Variants in SCAMP1 observed in about 807,000 individuals in gnomAD.
The protein encoded by SCAMP1 is secretory carrier-associated membrane protein 1.
SCAMP1 carries 15 observed loss-of-function variants against 41.8 expected under a neutral mutation model. The observed-to-expected ratio is 0.36, with a 90% CI of 0.24 to 0.55. SCAMP1 has a LOEUF of 0.55. Ranked by LOEUF, SCAMP1 falls within the 20% of genes least tolerant of loss-of-function variation. The pLI is 0.86. For synonymous variants in SCAMP1, 135 were observed against 136.8 expected (o/e 0.99, Z 0.09); for missense variants, 341 against 412.6 (o/e 0.83, Z 1.50).
chr5:78,429,449 C>T (rs898821663), intron 6 of SCAMP1, among the ~76,000 whole-genome samples: 1 of 150,926 alleles, frequency 6.6e-6, no homozygotes, highest in Non-Finnish European at 1.5e-5. Context: ...TGATCTTTGT[C>T]CACTTACTCT....
chr5:78,429,189 G>A (rs954221276), intron 6 of SCAMP1, among the ~76,000 whole-genome samples: 3 of 151,904 alleles, frequency 2.0e-5, no homozygotes, highest in Non-Finnish European at 2.9e-5. Flanking sequence ...AGGATAGTGA[G>A]AATAGAAGTA....
chr5:78,460,800 C>T (rs751521655), intron 8 of SCAMP1, among the ~76,000 whole-genome samples: 2,990 of 34,140 alleles, frequency 0.088, 447 homozygotes, highest in East Asian at 0.29. Context: ...TTCCTTCCTT[C>T]CTTCCTCCCT....
intron 8 of SCAMP1, among the ~76,000 whole-genome samples, chr5:78,463,609 C>G (rs1161761945): frequency 6.6e-6 from 1 of 152,104 alleles, no homozygotes. Context: ...GAGTAATATT[C>G]AAGAAGCATT....
chr5:78,423,006 A>ACG lies in SCAMP1; in HGVS notation c.632+1056_632+1057dup, dbSNP rs750021109. Among the ~76,000 whole-genome samples the ACG allele has an allele frequency of 8.5e-3, 382 of 45,088 alleles. 1 individual carries two copies. The highest frequency in any genetic ancestry group is 0.011 in the Non-Finnish European group (229 of 19,938). The allele number at this position is 45,088 out of a possible 152,430, so 29.6% of individuals were successfully genotyped here. A position where few individuals can be genotyped will look rare whatever the true frequency, so the allele number is the denominator to read the frequency against. On this transcript the variant is annotated intron_variant, in intron 6 of 8. Coordinates refer to ENST00000621999, the MANE Select transcript of SCAMP1 (RefSeq NM_004866.6). ...TTTAGTTAACCAGAATGTGTAACAC[A>ACG]CGCGCGCGCGCACACACACACACAC...
chr5:78,451,851 C>T (rs1201989622), intron 7 of SCAMP1, among the ~76,000 whole-genome samples: 1 of 152,190 alleles, frequency 6.6e-6, no homozygotes, highest in Non-Finnish European at 1.5e-5. Flanking sequence ...GACAGGATTT[C>T]GCCATGTTGC....
At chr5:78,420,799 A>G (rs1752322474) in intron 5 of SCAMP1, among the ~76,000 whole-genome samples, 1 of 152,176 alleles carries the variant, frequency 6.6e-6, no homozygotes, top group Non-Finnish European at 1.5e-5. Context: ...GTGTGTGTGT[A>G]TCCTGTTTCA....
chr5:78,392,244 ATTATC>A (rs1433906325), intron 2 of SCAMP1, among the ~76,000 whole-genome samples: 1 of 152,196 alleles, frequency 6.6e-6, no homozygotes, highest in Non-Finnish European at 1.5e-5. Flanking sequence ...CTTTGCCTGT[ATTATC>A]TTATTGAATT....
chr5:78,430,926 G>C (rs955680795), intron 6 of SCAMP1, among the ~76,000 whole-genome samples: 1 of 152,044 alleles, frequency 6.6e-6, no homozygotes, highest in Non-Finnish European at 1.5e-5. Flanking sequence ...ACTGAGTGTT[G>C]AGAATGTGGA....
intron 7 of SCAMP1, among the ~76,000 whole-genome samples, chr5:78,456,390 A>C (rs1753401755): frequency 6.6e-6 from 1 of 151,480 alleles, no homozygotes; most frequent in East Asian, 1.9e-4. Flanking sequence ...GTGGTGACAA[A>C]ATCTCTCAGC....
At chr5:78,423,749 C>T (rs902841448) in intron 6 of SCAMP1, among the ~76,000 whole-genome samples, 76 of 151,858 alleles carry the variant, frequency 5.0e-4, no homozygotes, top group African/African-American at 1.8e-3. Flanking sequence ...CATTATTGAT[C>T]CCTAGGCTGA....
chr5:78,405,584 C>T (rs1010991816), intron 2 of SCAMP1, among the ~76,000 whole-genome samples: 1 of 152,142 alleles, frequency 6.6e-6, no homozygotes, highest in Admixed American at 6.5e-5. Flanking sequence ...AAAATGATTG[C>T]CTTTTAAGAT....
intron 1 of SCAMP1, among the ~76,000 whole-genome samples, chr5:78,369,108 ATT>A (rs34278150): frequency 1.1e-4 from 16 of 141,716 alleles, no homozygotes; most frequent in Non-Finnish European, 7.8e-5. Flanking sequence ...AGGACACACA[ATT>A]TTTTTTTTTT....
chr5:78,377,389 A>G (rs2112062395), intron 1 of SCAMP1, among the ~76,000 whole-genome samples: 1 of 152,182 alleles, frequency 6.6e-6, no homozygotes, highest in East Asian at 1.9e-4. Context: ...ATAGTTCCCA[A>G]TTTTATGTCT....
At chr5:78,457,886 G>A (rs1753469205) in intron 7 of SCAMP1, 2 of 154,008 alleles carry the variant, frequency 1.3e-5, no homozygotes, top group Non-Finnish European at 2.9e-5. Context: ...ATAATCTCGT[G>A]GTGCGCCATT....
At chr5:78,408,170 G>A (rs982338090) in intron 2 of SCAMP1, among the ~76,000 whole-genome samples, 6 of 152,120 alleles carry the variant, frequency 3.9e-5, no homozygotes, top group African/African-American at 1.4e-4. Context: ...GTTCTACATG[G>A]CTGAGGAGGC....
chr5:78,409,743 G>A (rs9293747), intron 2 of SCAMP1, among the ~76,000 whole-genome samples: 28,185 of 151,906 alleles, frequency 0.19, 3,239 homozygotes, highest in Admixed American at 0.34. Flanking sequence ...TAAATATATC[G>A]CATTACCAGC....
chr5:78,411,983 A>G (rs1236704159), intron 2 of SCAMP1, among the ~76,000 whole-genome samples: 1 of 152,010 alleles, frequency 6.6e-6, no homozygotes, highest in African/African-American at 2.4e-5. Flanking sequence ...TAAAATGTGC[A>G]TTTCTTTGAT....
intron 8 of SCAMP1, 77 bp from the exon 9 acceptor site, chr5:78,475,427 A>T (rs894424142): frequency 5.7e-6 from 6 of 1,054,498 alleles, no homozygotes; most frequent in Admixed American, 6.4e-5. Flanking sequence ...TGTTTGATTA[A>T]TGTTGAGATT....
intron 8 of SCAMP1, among the ~76,000 whole-genome samples, chr5:78,472,559 C>T (rs1301323547): frequency 6.6e-6 from 1 of 152,078 alleles, no homozygotes; most frequent in East Asian, 1.9e-4. Context: ...TGTCATCTTT[C>T]ATGGGGCCCT....
Sources: allele counts gnomAD v4.1 joint callset (sites outside exome capture counted in the v4.1 genomes callset), GRCh38; gene constraint gnomAD v4.1.1; transcripts MANE v1.5; gene names NCBI Gene and HGNC (gene_info 2026-07-23, HGNC 2026-07-21).